OXSR1: variants seen among roughly 807,000 people sequenced by gnomAD.
OXSR1 encodes oxidative stress responsive kinase 1.
In OXSR1, 24 loss-of-function variants were observed where a neutral mutation model predicts 79.8. The ratio of observed to expected loss-of-function variants is 0.30; its 90% CI spans 0.22 to 0.42. The LOEUF (loss-of-function observed/expected upper bound fraction) is 0.42. Ranked by LOEUF, OXSR1 falls within the 10% of genes least tolerant of loss-of-function variation. The pLI, the probability that OXSR1 is intolerant of heterozygous loss-of-function variation, is 1.00. For synonymous variants in OXSR1, 226 were observed against 209.2 expected (o/e 1.08, Z -0.69); for missense variants, 430 against 618.4 (o/e 0.70, Z 3.23).
chr3:38,181,361 T>G lies in OXSR1; in HGVS notation c.71-1642T>G, dbSNP rs553426415. ...TTTTTATTTGTTTCAAAAGTTTTTTTTTTTTTTTTTTTGAGACAGAGTCTC... is the reference window on the plus strand; with the variant it reads ...TTTTTATTTGTTTCAAAAGTTTTTTGTTTTTTTTTTTTGAGACAGAGTCTC... On this transcript the variant is annotated intron_variant, in intron 1 of 17. Coordinates refer to ENST00000311806, the MANE Select transcript of OXSR1 (RefSeq NM_005109.3). Among the ~76,000 whole-genome samples, 682 of 149,090 alleles carry G rather than the reference T, an allele frequency of 4.6e-3. 5 individuals carry two copies. Among genetic ancestry groups the G allele is most frequent in the African/African-American group, 0.016 (634 of 40,638 alleles).
rs1246565931 is a variant in OXSR1, at chr3:38,221,525, C to G, written c.491-53C>G. 1.1e-5 allele frequency: 10 copies of G among 918,380 alleles called. No individual in the cohort carries two copies. The East Asian group carries it at 2.4e-4, about 22-fold the overall frequency. The allele number at this position is 918,380 out of a possible 1,614,324, so 56.9% of individuals were successfully genotyped here. On this transcript the variant is annotated intron_variant, in intron 5 of 17. Transcript: ENST00000311806. The stretch of plus-strand genomic sequence containing the variant: ...CACTACATTGTATTGTTTTCCTATT[C>G]ATTTATGATAGTTGATGCACTTTAA...
chr3:38,225,155 A>G (rs1268352215), intron 8 of OXSR1: 2 of 152,634 alleles, frequency 1.3e-5, no homozygotes, highest in African/African-American at 4.8e-5. Context: ...TTCCTTATCA[A>G]TGTTAGACAG....
At chr3:38,243,690 A>G (rs1703080832) in intron 12 of OXSR1, among the ~76,000 whole-genome samples, 1 of 152,226 alleles carries the variant, frequency 6.6e-6, no homozygotes, top group East Asian at 1.9e-4. Flanking sequence ...TATTTTGTAT[A>G]TAAAGTACAT....
intron 4 of OXSR1, among the ~76,000 whole-genome samples, chr3:38,203,520 A>C (rs1347144562): frequency 3.3e-5 from 5 of 152,262 alleles, no homozygotes; most frequent in African/African-American, 7.2e-5. Context: ...ATTTAAAAAA[A>C]ATTTTTTTTG....
At chr3:38,217,381 C>T (rs889787948) in intron 5 of OXSR1, among the ~76,000 whole-genome samples, 2 of 152,158 alleles carry the variant, frequency 1.3e-5, no homozygotes, top group Non-Finnish European at 2.9e-5. Context: ...GACTTTTGCT[C>T]CTAGGTGTAT....
chr3:38,219,787 A>G (rs11923450), intron 5 of OXSR1, among the ~76,000 whole-genome samples: 62 of 137,856 alleles, frequency 4.5e-4, no homozygotes, highest in African/African-American at 1.4e-3. Context: ...TAAGATGATG[A>G]TGATGATGAT....
chr3:38,252,181 C>A (rs1162091811), intron 16 of OXSR1, 147 bp from the exon 17 acceptor site: 1 of 661,446 alleles, frequency 1.5e-6, no homozygotes, highest in African/African-American at 1.8e-5. Flanking sequence ...AAGACACTTT[C>A]ATTAGGGGAG....
intron 11 of OXSR1, among the ~76,000 whole-genome samples, chr3:38,239,603 A>G (rs866539569): frequency 6.6e-5 from 10 of 152,252 alleles, no homozygotes; most frequent in East Asian, 1.9e-4. Context: ...TGTGAGTGCT[A>G]TGCACTCTTA....
At chr3:38,201,195 T>C (rs969754815) in intron 4 of OXSR1, among the ~76,000 whole-genome samples, 3 of 152,138 alleles carry the variant, frequency 2.0e-5, no homozygotes, top group African/African-American at 7.2e-5. Context: ...CATGTGCTGC[T>C]GAGCCCAGCT....
intron 1 of OXSR1, among the ~76,000 whole-genome samples, chr3:38,176,173 A>T (rs1166602241): frequency 1.3e-5 from 2 of 152,188 alleles, no homozygotes; most frequent in Non-Finnish European, 2.9e-5. Context: ...TGTGCAGTGT[A>T]TACTGATATT....
At chr3:38,197,304 T>TTAG (rs1702087459) in intron 3 of OXSR1, among the ~76,000 whole-genome samples, 7 of 152,202 alleles carry the variant, frequency 4.6e-5, no homozygotes. Context: ...AGGTGAAGAG[T>TTAG]TAGTAGGCAA....
At chr3:38,192,074 T>C (rs1701994324) in intron 3 of OXSR1, among the ~76,000 whole-genome samples, 1 of 152,176 alleles carries the variant, frequency 6.6e-6, no homozygotes, top group South Asian at 2.1e-4. Context: ...ACTGAGAGGG[T>C]TTAAAAATTT....
At chr3:38,247,612 T>A in intron 13 of OXSR1, 56 bp from the exon 14 acceptor site, 1 of 1,259,274 alleles carries the variant, frequency 7.9e-7, no homozygotes, top group African/African-American at 1.5e-5. Flanking sequence ...TGACCATTAG[T>A]CACCTCCCCA....
intron 6 of OXSR1, 109 bp from the exon 7 acceptor site, chr3:38,223,703 G>A (rs187119676): frequency 1.1e-5 from 7 of 614,628 alleles, no homozygotes; most frequent in Non-Finnish European, 1.7e-5. Flanking sequence ...GCCTGCCTCA[G>A]CCTCCCAAAG....
intron 5 of OXSR1, among the ~76,000 whole-genome samples, chr3:38,219,916 TC>T (rs1010842670): frequency 6.6e-6 from 1 of 152,056 alleles, no homozygotes; most frequent in Non-Finnish European, 1.5e-5. Flanking sequence ...CAAGCAGTCC[TC>T]CTACCTCAGC....
chr3:38,219,173 T>C (rs541828605), intron 5 of OXSR1, among the ~76,000 whole-genome samples: 41 of 152,266 alleles, frequency 2.7e-4, no homozygotes, highest in Middle Eastern at 6.8e-3. Context: ...GGGGGTATTA[T>C]CACTTACATT....
rs780980914 is a variant in OXSR1, at chr3:38,247,712, C to T, written c.1302C>T (p.Ile434=). ...GSGSQETKIP[I]SLVLRLRNSK... The stretch of plus-strand genomic sequence containing the variant: ...GTTCACAAGAAACCAAGATCCCAAT[C>T]AGTCTAGTACTAAGATTAAGGTAAG... Residue 434 remains isoleucine, a synonymous_variant, in exon 14 of 18, where the codon ATC becomes ATT. Transcript: ENST00000311806. 1.4e-5 allele frequency: 22 copies of T among 1,610,314 alleles called. No homozygotes were observed. In the South Asian group the frequency reaches 2.4e-4, roughly 18 times the overall value.
chr3:38,220,097 G>A (rs1310949204), intron 5 of OXSR1, among the ~76,000 whole-genome samples: 1 of 151,484 alleles, frequency 6.6e-6, no homozygotes, highest in African/African-American at 2.4e-5. Flanking sequence ...ATGAGCCACT[G>A]TGCCCAGCCA....
chr3:38,187,657 TC>T (rs1312446788), intron 2 of OXSR1, among the ~76,000 whole-genome samples: 12 of 152,136 alleles, frequency 7.9e-5, no homozygotes, highest in Non-Finnish European at 1.3e-4. Context: ...ACTAAATAGT[TC>T]AAACAAAAAA....
Sources: gnomAD v4.1 joint callset for allele counts (sites outside exome capture counted in the v4.1 genomes callset) on GRCh38, gnomAD v4.1.1 for gene constraint, MANE v1.5 for transcripts, NCBI Gene and HGNC (gene_info 2026-07-23, HGNC 2026-07-21) for gene names.